CRPPA: variants seen among roughly 807,000 people sequenced by gnomAD.
CRPPA encodes D-ribitol-5-phosphate cytidylyltransferase.
A neutral mutation model predicts 52.0 loss-of-function variants in CRPPA; 43 were observed. That is an observed-to-expected ratio of 0.83 (90% CI 0.65 to 1.07). The LOEUF is 1.07. Ranked by LOEUF, CRPPA falls within the 50% of genes least tolerant of loss-of-function variation. The probability of loss-of-function intolerance (pLI) is 0.00; values close to 1 mark genes in which losing one functional copy is unlikely to be tolerated. For missense variants in CRPPA, 629 were observed against 551.7 expected (o/e 1.14, Z -1.40); for synonymous variants, 250 against 203.5 (o/e 1.23, Z -1.94).
Position 16,406,162 on chromosome 7 carries a change from T to G in CRPPA, c.433A>C (p.Lys145Gln), listed in dbSNP as rs778488662. Residue 145 changes from lysine (K) to glutamine (Q), a missense_variant, in exon 2 of 10, where the codon AAA (lysine) becomes CAA (glutamine). Physicochemically the swap from Lys to Gln is moderately conservative, Grantham distance 53 (BLOSUM62 1). Transcript: ENST00000407010. ...ATCACTACTTCTGGCTTAGAGAGTTTAGAGTTGATCTGATCTTCTGCCAGT... is the reference window on the plus strand; with the variant it reads ...ATCACTACTTCTGGCTTAGAGAGTTGAGAGTTGATCTGATCTTCTGCCAGT... ...KALAEDQINSKLSKPEVVIIH... is the reference protein window; with the variant it reads ...KALAEDQINSQLSKPEVVIIH... 1.9e-6 allele frequency: 3 copies of G among 1,614,006 alleles called. No individual in the cohort carries two copies. The highest frequency in any genetic ancestry group is 2.5e-6 in the Non-Finnish European group (3 of 1,179,886).
intron 4 of CRPPA, among the ~76,000 whole-genome samples, chr7:16,307,840 G>C (rs1384917193): frequency 6.6e-6 from 1 of 151,064 alleles, no homozygotes; most frequent in Middle Eastern, 3.2e-3. Flanking sequence ...CAGTTAAGTT[G>C]GAGCAACCAC....
chr7:16,217,181 A>AC (rs1447031880), intron 8 of CRPPA, among the ~76,000 whole-genome samples: 2 of 144,840 alleles, frequency 1.4e-5, no homozygotes, highest in Non-Finnish European at 3.1e-5. Flanking sequence ...GCAGGGGCAC[A>AC]CTGACACCTC....
intron 8 of CRPPA, among the ~76,000 whole-genome samples, chr7:16,256,347 CAG>C (rs140181897): frequency 0.032 from 4,828 of 152,084 alleles, 257 homozygotes; most frequent in African/African-American, 0.11. Flanking sequence ...TTGTGGAAGA[CAG>C]TGTGGCAATT....
intron 9 of CRPPA, among the ~76,000 whole-genome samples, chr7:16,096,505 T>C (rs1781937218): frequency 2.0e-5 from 3 of 152,202 alleles, no homozygotes; most frequent in Admixed American, 2.0e-4. Context: ...TTAATTGGAC[T>C]AGTTTTATAA....
intron 9 of CRPPA, among the ~76,000 whole-genome samples, chr7:16,212,001 C>G (rs1782160037): frequency 1.3e-5 from 2 of 152,010 alleles, no homozygotes; most frequent in Admixed American, 1.3e-4. Flanking sequence ...TTTTATTGTT[C>G]TATATCCTAT....
At chr7:16,285,649 G>A (rs1784409642) in intron 5 of CRPPA, among the ~76,000 whole-genome samples, 1 of 151,964 alleles carries the variant, frequency 6.6e-6, no homozygotes, top group Admixed American at 6.6e-5. Flanking sequence ...CACTAGTTAA[G>A]AAGCCCAAAT....
intron 8 of CRPPA, among the ~76,000 whole-genome samples, chr7:16,237,879 G>A (rs1782993252): frequency 6.6e-6 from 1 of 152,174 alleles, no homozygotes; most frequent in Non-Finnish European, 1.5e-5. Flanking sequence ...AGAAATGCCA[G>A]TCCTCTCACT....
In CRPPA at chr7:16,216,106, C is replaced by A; in HGVS notation, c.1211G>T (p.Arg404Ile). The A allele has an allele frequency of 6.2e-7, 1 of 1,600,268 alleles. No homozygotes were observed. Among genetic ancestry groups the A allele is most frequent in the Non-Finnish European group, 8.5e-7 (1 of 1,171,004 alleles). The change falls in exon 9 of 10, where the codon AGA (arginine) becomes ATA (isoleucine). Residue 404 changes from arginine to isoleucine, a missense_variant. Coordinates refer to ENST00000407010, the MANE Select transcript of CRPPA (RefSeq NM_001101426.4). ...IREFAKEVKE[R>I]NILLYGLLIS... ...GAGAAGCCCATATAACAAAATATTT[C>A]TTTCTTTTACTTCCTTTGCAAATTC...
chr7:16,178,723 T>C (rs1191718682), intron 9 of CRPPA, among the ~76,000 whole-genome samples: 2 of 152,022 alleles, frequency 1.3e-5, no homozygotes, highest in Non-Finnish European at 2.9e-5. Flanking sequence ...ATAAAAACAT[T>C]CAATGAATGT....
intron 3 of CRPPA, among the ~76,000 whole-genome samples, chr7:16,359,292 T>C (rs1429419222): frequency 6.6e-6 from 1 of 152,286 alleles, no homozygotes; most frequent in South Asian, 2.1e-4. Flanking sequence ...ATGGAAGTTT[T>C]TCATTTTAAA....
chr7:16,346,939 A>T (rs901290656), intron 3 of CRPPA, among the ~76,000 whole-genome samples: 6 of 152,116 alleles, frequency 3.9e-5, no homozygotes, highest in Non-Finnish European at 5.9e-5. Flanking sequence ...AGCTATAAGC[A>T]AAGCCACCCA....
At chr7:16,165,510 T>C (rs536372013) in intron 9 of CRPPA, among the ~76,000 whole-genome samples, 1 of 152,352 alleles carries the variant, frequency 6.6e-6, no homozygotes, top group East Asian at 1.9e-4. Flanking sequence ...GTTCTTGTCA[T>C]TGGAAAATAA....
intron 2 of CRPPA, among the ~76,000 whole-genome samples, chr7:16,394,954 G>C (rs1380397072): frequency 6.6e-6 from 1 of 152,172 alleles, no homozygotes; most frequent in Non-Finnish European, 1.5e-5. Context: ...CTTTATGTAA[G>C]AGACTTCTGT....
chr7:16,396,021 C>T (rs541932810), intron 2 of CRPPA, among the ~76,000 whole-genome samples: 4 of 152,232 alleles, frequency 2.6e-5, no homozygotes, highest in East Asian at 3.9e-4. Flanking sequence ...TACCCTTTGT[C>T]GAAATAAACC....
chr7:16,377,288 G>A (rs989900674), intron 2 of CRPPA, among the ~76,000 whole-genome samples: 4 of 152,140 alleles, frequency 2.6e-5, no homozygotes, highest in Non-Finnish European at 4.4e-5. Flanking sequence ...GGGTGACAAA[G>A]AGGAAGTAGT....
At chr7:16,334,517 C>T (rs1291541571) in intron 3 of CRPPA, among the ~76,000 whole-genome samples, 1 of 152,154 alleles carries the variant, frequency 6.6e-6, no homozygotes, top group African/African-American at 2.4e-5. Context: ...TGGTCCTGCC[C>T]ATCCTATGCG....
chr7:16,193,354 A>G (rs1455420265), intron 9 of CRPPA, among the ~76,000 whole-genome samples: 1 of 152,032 alleles, frequency 6.6e-6, no homozygotes, highest in African/African-American at 2.4e-5. Context: ...AATTTTTTAT[A>G]TTGACCTTAT....
chr7:16,342,778 A>ATATAT (rs1486644014), intron 3 of CRPPA, among the ~76,000 whole-genome samples: 2 of 67,544 alleles, frequency 3.0e-5, no homozygotes, highest in African/African-American at 1.4e-4. Context: ...AAAAAAAAAA[A>ATATAT]AAAAATATAT....
At chr7:16,331,847 G>A (rs761646286) in intron 3 of CRPPA, among the ~76,000 whole-genome samples, 1 of 152,044 alleles carries the variant, frequency 6.6e-6, no homozygotes, top group Non-Finnish European at 1.5e-5. Context: ...GAATAATTAA[G>A]AGCTATAAAA....
Sources: gnomAD v4.1 joint callset for allele counts (sites outside exome capture counted in the v4.1 genomes callset) on GRCh38, gnomAD v4.1.1 for gene constraint, MANE v1.5 for transcripts, NCBI Gene and HGNC (gene_info 2026-07-23, HGNC 2026-07-21) for gene names.